GYPC: variants seen among roughly 807,000 people sequenced by gnomAD.
The protein encoded by GYPC is glycophorin C (Gerbich blood group).
Under a neutral mutation model 12.6 loss-of-function variants are expected in GYPC, and 14 were observed. That is an observed-to-expected ratio of 1.11 (90% CI 0.74 to 1.74). The LOEUF (loss-of-function observed/expected upper bound fraction) is 1.74, where lower values mean the gene tolerates loss of function less well. GYPC is among the 40% of genes most tolerant of loss of function. GYPC has a pLI of 0.00. For missense variants in GYPC, 225 were observed against 172.1 expected, an observed-to-expected ratio of 1.31 and a Z score of -1.72; for synonymous variants, 78 against 62.1, an observed-to-expected ratio of 1.26 and a Z score of -1.20.
At position 126,696,185 on chromosome 2, in the gene GYPC, A is replaced by G. The variant is rs767708657; in HGVS notation, c.*43A>G. 2 of 1,408,866 alleles carry G rather than the reference A, an allele frequency of 1.4e-6. No homozygotes were observed. Among genetic ancestry groups the G allele is most frequent in the Non-Finnish European group, 2.0e-6 (2 of 997,160 alleles). The allele number at this position is 1,408,866 out of a possible 1,614,324, so 87.3% of individuals were successfully genotyped here. ...TTCCCTGAATGCCTCCCCCATCTCC[A>G]TCAGGAAAAATACACCCCATCGCCC... On this transcript the variant is annotated 3_prime_UTR_variant, in exon 4 of 4. Coordinates refer to ENST00000259254, the MANE Select transcript of GYPC (RefSeq NM_002101.5).
intron 2 of GYPC, among the ~76,000 whole-genome samples, chr2:126,691,085 G>C (rs1044185297): frequency 2.0e-5 from 3 of 151,938 alleles, no homozygotes; most frequent in Non-Finnish European, 2.9e-5. Flanking sequence ...GCAGATACAA[G>C]TGTTCCCCTG....
intron 1 of GYPC, among the ~76,000 whole-genome samples, chr2:126,689,356 G>A (rs1683386334): frequency 6.6e-6 from 1 of 152,178 alleles, no homozygotes; most frequent in Admixed American, 6.5e-5. Context: ...AATAACACCA[G>A]GCACCTCATA....
At chr2:126,668,881 A>G (rs1682759085) in intron 1 of GYPC, among the ~76,000 whole-genome samples, 1 of 152,210 alleles carries the variant, frequency 6.6e-6, no homozygotes, top group Non-Finnish European at 1.5e-5. Flanking sequence ...TGACAGGAAT[A>G]AAAAGCATCC....
intron 1 of GYPC, 105 bp downstream of exon 1, chr2:126,656,417 G>A (rs1682357554): frequency 9.2e-6 from 9 of 978,000 alleles, no homozygotes; most frequent in Middle Eastern, 3.2e-4. Context: ...GTCCCGGTCC[G>A]TGCCGGGCCT....
At chr2:126,657,612 G>C (rs1439028808) in intron 1 of GYPC, 1 of 152,200 alleles carries the variant, frequency 6.6e-6, no homozygotes, top group African/African-American at 2.4e-5. Context: ...GGCAGGTCCT[G>C]GGTTAAAGGG....
At position 126,693,990 on chromosome 2, in the gene GYPC, G is replaced by C. The variant is rs373452825; in HGVS notation, c.190+43G>C. ...AGCCCTTCAAGCAGCCAGGGTGGGG[G>C]GCCTTGGTGAAAACATCCAGGGGAG... On this transcript the variant is annotated intron_variant, in intron 3 of 3. Coordinates refer to ENST00000259254, the MANE Select transcript of GYPC (RefSeq NM_002101.5). The C allele has an allele frequency of 7.4e-6, 10 of 1,347,030 alleles. No individual in the cohort carries two copies. In the South Asian group the frequency reaches 1.2e-4, roughly 16 times the overall value. The allele number at this position is 1,347,030 out of a possible 1,614,324, so 83.4% of individuals were successfully genotyped here. A position where few individuals can be genotyped will look rare whatever the true frequency, so the allele number is the denominator to read the frequency against.
intron 1 of GYPC, chr2:126,678,985 C>T (rs539614040): frequency 9.2e-5 from 14 of 152,300 alleles, no homozygotes; most frequent in African/African-American, 3.4e-4. Flanking sequence ...TTCTGGAAAC[C>T]CAATAACAAA....
chr2:126,664,318 C>T (rs1460054649), intron 1 of GYPC, among the ~76,000 whole-genome samples: 2 of 152,098 alleles, frequency 1.3e-5, no homozygotes, highest in Non-Finnish European at 1.5e-5. Context: ...TCCACAGACG[C>T]CATCTCATTT....
intron 2 of GYPC, among the ~76,000 whole-genome samples, chr2:126,691,885 T>G (rs1367786329): frequency 1.3e-5 from 2 of 152,178 alleles, no homozygotes; most frequent in Non-Finnish European, 2.9e-5. Context: ...TCTGGGTATT[T>G]GAGCTTCTAT....
chr2:126,684,089 G>A (rs1558888126), intron 1 of GYPC, among the ~76,000 whole-genome samples: 1 of 152,222 alleles, frequency 6.6e-6, no homozygotes, highest in African/African-American at 2.4e-5. Flanking sequence ...TCATCTTATA[G>A]AGTGTCAAAG....
chr2:126,675,657 C>T (rs1371371790), intron 1 of GYPC: 3 of 983,862 alleles, frequency 3.0e-6, no homozygotes, highest in Admixed American at 6.1e-5. Flanking sequence ...ATGACCTCTT[C>T]ACCTGTCGTG....
chr2:126,695,083 C>G (rs1160509382), intron 3 of GYPC, among the ~76,000 whole-genome samples: 5 of 152,134 alleles, frequency 3.3e-5, no homozygotes, highest in East Asian at 3.9e-4. Context: ...GTCCTCAGTC[C>G]CCAGGAGGGA....
At chr2:126,659,368 G>A (rs550571351) in intron 1 of GYPC, among the ~76,000 whole-genome samples, 7 of 152,338 alleles carry the variant, frequency 4.6e-5, no homozygotes, top group East Asian at 1.9e-4. Context: ...GAGGGGCAGA[G>A]CAGAGGCCAG....
At chr2:126,686,240 A>T (rs1175019422) in intron 1 of GYPC, 1 of 985,448 alleles carries the variant, frequency 1.0e-6, no homozygotes, top group African/African-American at 1.7e-5. Context: ...CACATCTGAA[A>T]AATACCACTG....
chr2:126,656,464 G>C, intron 1 of GYPC, 152 bp downstream of exon 1: 1 of 648,096 alleles, frequency 1.5e-6, no homozygotes, highest in Non-Finnish European at 2.6e-6. Flanking sequence ...TCAGATCCCC[G>C]ACTCCAGCCC....
chr2:126,660,349 C>G (rs954305695), intron 1 of GYPC, among the ~76,000 whole-genome samples: 3 of 152,226 alleles, frequency 2.0e-5, no homozygotes. Flanking sequence ...TCGGGGTGGC[C>G]CTCGAGCCCT....
At chr2:126,671,045 A>G (rs953866723) in intron 1 of GYPC, among the ~76,000 whole-genome samples, 3 of 151,964 alleles carry the variant, frequency 2.0e-5, no homozygotes, top group African/African-American at 7.3e-5. Context: ...TTGCACCTCA[A>G]CCCCGTGAGT....
In GYPC at chr2:126,693,930, A is replaced by T. The variant is rs1352900980; in HGVS notation, c.173A>T (p.Asp58Val). The T allele has an allele frequency of 1.9e-6, 3 of 1,610,270 alleles. No individual in the cohort carries two copies. Among genetic ancestry groups the T allele is most frequent in the Non-Finnish European group, 2.5e-6 (3 of 1,176,632 alleles). ...GAGACCTCCACCCCCACCATAATGG[A>T]CATTGTCGTCATTGCAGGTGAGCTC... ...RMETSTPTIM[D>V]IVVIAGVIAA... Residue 58 changes from aspartate to valine, a missense_variant, in exon 3 of 4, where the codon GAC becomes GTC. Transcript: ENST00000259254.
intron 2 of GYPC, among the ~76,000 whole-genome samples, chr2:126,692,564 C>T (rs898440753): frequency 6.6e-5 from 10 of 152,178 alleles, no homozygotes; most frequent in South Asian, 6.2e-4. Context: ...TATGTTAACA[C>T]TGATATTTCT....
Sources: allele counts gnomAD v4.1 joint callset (sites outside exome capture counted in the v4.1 genomes callset), GRCh38; gene constraint gnomAD v4.1.1; transcripts MANE v1.5; gene names NCBI Gene and HGNC (gene_info 2026-07-23, HGNC 2026-07-21).